PRKN: variants seen among roughly 807,000 people sequenced by gnomAD.
PRKN encodes the protein E3 ubiquitin-protein ligase parkin.
A neutral mutation model predicts 59.5 loss-of-function variants in PRKN; 56 were observed. The observed-to-expected ratio is 0.94, with a 90% CI of 0.76 to 1.18. The LOEUF (loss-of-function observed/expected upper bound fraction) is 1.18, where lower values mean the gene tolerates loss of function less well. Ranked by LOEUF, PRKN falls within the 50% of genes most tolerant of loss-of-function variation. The pLI, the probability that PRKN is intolerant of heterozygous loss-of-function variation, is 0.00. For synonymous variants in PRKN, 250 were observed against 222.1 expected, an observed-to-expected ratio of 1.13 and a Z score of -1.12; for missense variants, 657 against 596.4, an observed-to-expected ratio of 1.10 and a Z score of -1.06.
At chr6:162,280,634 T>C (rs953686868) in intron 2 of PRKN, among the ~76,000 whole-genome samples, 3 of 151,478 alleles carry the variant, frequency 2.0e-5, no homozygotes, top group Non-Finnish European at 4.4e-5. Flanking sequence ...CTACTAAAAA[T>C]ACAAAAATTA....
At chr6:161,628,104 T>C (rs1783159663) in intron 7 of PRKN, among the ~76,000 whole-genome samples, 1 of 152,214 alleles carries the variant, frequency 6.6e-6, no homozygotes, top group Admixed American at 6.5e-5. Context: ...AATATTGATT[T>C]ATTGCTCTCC....
intron 1 of PRKN, among the ~76,000 whole-genome samples, chr6:162,706,357 G>A (rs1399591887): frequency 3.9e-5 from 6 of 152,200 alleles, no homozygotes; most frequent in Non-Finnish European, 8.8e-5. Context: ...TCTGTGAAAA[G>A]AGGAAACCAG....
At chr6:161,823,914 G>A (rs1293923406) in intron 6 of PRKN, among the ~76,000 whole-genome samples, 2 of 152,184 alleles carry the variant, frequency 1.3e-5, no homozygotes, top group African/African-American at 4.8e-5. Flanking sequence ...TAGGACAGGT[G>A]CCCCTTTCCA....
intron 7 of PRKN, among the ~76,000 whole-genome samples, chr6:161,775,963 C>A (rs530180625): frequency 2.0e-5 from 3 of 152,180 alleles, no homozygotes; most frequent in South Asian, 4.1e-4. Context: ...TGAAAAGTGA[C>A]CTGGGAGTAC....
At chr6:161,883,859 G>C (rs536587606) in intron 6 of PRKN, among the ~76,000 whole-genome samples, 2 of 152,040 alleles carry the variant, frequency 1.3e-5, no homozygotes, top group South Asian at 2.1e-4. Flanking sequence ...CACTATGTCG[G>C]CCAGGCTGGT....
chr6:162,429,440 A>G lies in PRKN; in HGVS notation c.171+13870T>C, dbSNP rs183572433. On this transcript the variant is annotated intron_variant, in intron 2 of 11. Transcript: ENST00000366898. ...TGAAAGAGGAACTCAAGAGTCCTCA[A>G]CCTCAGCATCATTCCTGCATCCTGG... Among the ~76,000 whole-genome samples, 4 of 152,218 alleles carry G rather than the reference A, an allele frequency of 2.6e-5. No homozygotes were observed. In the East Asian group the frequency reaches 7.8e-4, roughly 30 times the overall value.
At chr6:161,906,413 G>C (rs1778146094) in intron 6 of PRKN, among the ~76,000 whole-genome samples, 1 of 152,060 alleles carries the variant, frequency 6.6e-6, no homozygotes, top group East Asian at 1.9e-4. Context: ...TCAGAGGGCT[G>C]ACAGCAAGCT....
Position 161,767,530 on chromosome 6 carries a change from C to A in PRKN, c.871+18242G>T, listed in dbSNP as rs867010311. 2.9e-3 allele frequency among the ~76,000 whole-genome samples: 387 copies of A among 135,382 alleles called. 1 individual carries two copies. Among genetic ancestry groups the A allele is most frequent in the African/African-American group, 9.5e-3 (352 of 37,164 alleles). 88.8% of individuals were successfully genotyped at this position (135,382 alleles called of 152,430 possible). A position where few individuals can be genotyped will look rare whatever the true frequency, so the allele number is the denominator to read the frequency against. ...AAACTCCTTCTCAAAAAAAAAAAAA[C>A]AAAAACCAATCAGCATGGCAGAAAA... On this transcript the variant is annotated intron_variant, in intron 7 of 11. Coordinates refer to ENST00000366898, the MANE Select transcript of PRKN (RefSeq NM_004562.3).
intron 2 of PRKN, among the ~76,000 whole-genome samples, chr6:162,408,635 A>T (rs559302063): frequency 4.6e-5 from 7 of 152,200 alleles, no homozygotes; most frequent in Non-Finnish European, 1.0e-4. Context: ...AGCAATTTAC[A>T]CATACAGAGT....
chr6:162,645,158 ACTATT>A (rs1279597346), intron 1 of PRKN, among the ~76,000 whole-genome samples: 1 of 152,192 alleles, frequency 6.6e-6, no homozygotes, highest in Non-Finnish European at 1.5e-5. Flanking sequence ...TTTGTTGACT[ACTATT>A]CTATTGAATA....
chr6:161,500,869 T>C (rs1405700651), intron 9 of PRKN, among the ~76,000 whole-genome samples: 1 of 145,216 alleles, frequency 6.9e-6, no homozygotes, highest in Non-Finnish European at 1.5e-5. Flanking sequence ...GTTTAGTTTT[T>C]TTTTTTCTTT....
intron 6 of PRKN, among the ~76,000 whole-genome samples, chr6:161,956,501 C>T (rs979651161): frequency 2.0e-5 from 3 of 152,086 alleles, no homozygotes; most frequent in Non-Finnish European, 4.4e-5. Flanking sequence ...TGAGAGAGTA[C>T]AGTGCTCTCT....
intron 2 of PRKN, among the ~76,000 whole-genome samples, chr6:162,338,937 G>A (rs1469742691): frequency 4.7e-5 from 7 of 150,226 alleles, no homozygotes; most frequent in Admixed American, 6.6e-5. Flanking sequence ...GCCTCTGCCC[G>A]GCCGCGACCC....
At chr6:162,482,818 A>G (rs1050975963) in intron 1 of PRKN, among the ~76,000 whole-genome samples, 2 of 152,178 alleles carry the variant, frequency 1.3e-5, no homozygotes, top group African/African-American at 4.8e-5. Context: ...GGATCCTTAG[A>G]GATCATCTTG....
At chr6:162,380,647 TACTC>T (rs1436431500) in intron 2 of PRKN, among the ~76,000 whole-genome samples, 2 of 151,466 alleles carry the variant, frequency 1.3e-5, no homozygotes, top group South Asian at 2.1e-4. Flanking sequence ...GAGTTAAAGA[TACTC>T]ATTCAGATTC....
chr6:162,676,653 A>G (rs1779556506), intron 1 of PRKN, among the ~76,000 whole-genome samples: 1 of 152,220 alleles, frequency 6.6e-6, no homozygotes, highest in African/African-American at 2.4e-5. Context: ...AGATTTAGCT[A>G]AATATTTTGA....
intron 2 of PRKN, among the ~76,000 whole-genome samples, chr6:162,268,943 C>A (rs530461490): frequency 5.9e-5 from 9 of 152,178 alleles, no homozygotes; most frequent in Non-Finnish European, 8.8e-5. Context: ...TGGGACGGGG[C>A]TGTATAGGAG....
intron 7 of PRKN, among the ~76,000 whole-genome samples, chr6:161,607,129 C>T (rs1485357539): frequency 6.6e-6 from 1 of 152,204 alleles, no homozygotes; most frequent in Non-Finnish European, 1.5e-5. Flanking sequence ...GACTTTCTAT[C>T]TGCAGTTGTG....
intron 9 of PRKN, among the ~76,000 whole-genome samples, chr6:161,432,532 A>ATTTTTTTTTTTT (rs767620173): frequency 1.8e-4 from 22 of 125,492 alleles, no homozygotes; most frequent in South Asian, 2.5e-4. Flanking sequence ...TGCCCAGCTA[A>ATTTTTTTTTTTT]TTTTTTTTTT....
Sources: gnomAD v4.1 joint callset for allele counts (sites outside exome capture counted in the v4.1 genomes callset) on GRCh38, gnomAD v4.1.1 for gene constraint, MANE v1.5 for transcripts, NCBI Gene and HGNC (gene_info 2026-07-23, HGNC 2026-07-21) for gene names.